Variants in ELOVL6 observed in about 807,000 individuals in gnomAD.
ELOVL6 encodes the protein ELOVL fatty acid elongase 6, also known as very long chain fatty acid elongase 6.
In ELOVL6, 8 loss-of-function variants were observed where a neutral mutation model predicts 31.7. That is an observed-to-expected ratio of 0.25 (90% CI 0.15 to 0.45). ELOVL6 has a LOEUF of 0.45. ELOVL6 is among the 20% of genes least tolerant of loss of function. The pLI is 1.00. For missense variants in ELOVL6, 126 were observed against 326.4 expected (o/e 0.39, Z 4.73); for synonymous variants, 101 against 117.7 (o/e 0.86, Z 0.92).
intron 1 of ELOVL6, among the ~76,000 whole-genome samples, chr4:110,122,754 G>A (rs770599831): frequency 6.6e-6 from 1 of 152,148 alleles, no homozygotes; most frequent in Admixed American, 6.5e-5. Context: ...TTTCCCCTGT[G>A]ACACCCTGTG....
chr4:110,121,731 T>G (rs1757364553), intron 1 of ELOVL6, among the ~76,000 whole-genome samples: 1 of 152,152 alleles, frequency 6.6e-6, no homozygotes, highest in South Asian at 2.1e-4. Flanking sequence ...TCATCCCTTC[T>G]CACTCTCACA....
rs1412183300 is a variant in ELOVL6, at chr4:110,048,177, A to G, written c.*3161T>C. 1 of 152,200 alleles carries G rather than the reference A, an allele frequency of 6.6e-6. No homozygotes were observed. The highest frequency in any genetic ancestry group is 1.5e-5 in the Non-Finnish European group (1 of 68,028). 9.4% of individuals were successfully genotyped at this position (152,200 alleles called of 1,614,324 possible). ...GGAGCATAATTAGAAGGATGGGAGTAAGTGACTTCGAATAACCACCTCAAT... is the reference window on the plus strand; with the variant it reads ...GGAGCATAATTAGAAGGATGGGAGTGAGTGACTTCGAATAACCACCTCAAT... On this transcript the variant is annotated 3_prime_UTR_variant, in exon 4 of 4. Coordinates refer to ENST00000302274, the MANE Select transcript of ELOVL6 (RefSeq NM_024090.3).
At chr4:110,157,060 A>T (rs1342844771) in intron 1 of ELOVL6, among the ~76,000 whole-genome samples, 1 of 152,200 alleles carries the variant, frequency 6.6e-6, no homozygotes, top group Non-Finnish European at 1.5e-5. Context: ...AGATTTGAAA[A>T]GGAGGATAGT....
At chr4:110,177,763 G>A (rs1355929785) in intron 1 of ELOVL6, among the ~76,000 whole-genome samples, 1 of 152,126 alleles carries the variant, frequency 6.6e-6, no homozygotes, top group Admixed American at 6.5e-5. Flanking sequence ...ATTGTTATGT[G>A]AAATAATTAA....
chr4:110,064,174 C>T (rs1433332273), intron 2 of ELOVL6, among the ~76,000 whole-genome samples: 1 of 151,968 alleles, frequency 6.6e-6, no homozygotes, highest in Admixed American at 6.6e-5. Context: ...TAGCAGAGAG[C>T]TCTGTGGAGG....
rs184166193 is a variant in ELOVL6 at position 110,172,061 on chromosome 4, C to T, written c.89+26186G>A. Among the ~76,000 whole-genome samples the T allele has an allele frequency of 2.6e-5, 4 of 152,176 alleles. No individual in the cohort carries two copies. The East Asian group carries it at 7.7e-4, about 29-fold the overall frequency. On this transcript the variant is annotated intron_variant, in intron 1 of 3. Coordinates refer to ENST00000302274, the MANE Select transcript of ELOVL6 (RefSeq NM_024090.3). ...TCTGAGCCTGTCTAGCAAATTAGTG[C>T]AACCCAAAGTCATGAGAATCCCAAC...
intron 1 of ELOVL6, among the ~76,000 whole-genome samples, chr4:110,133,196 G>T (rs989777735): frequency 6.6e-6 from 1 of 152,192 alleles, no homozygotes; most frequent in South Asian, 2.1e-4. Flanking sequence ...AAGAGAGGAA[G>T]TTAAGTGTCA....
intron 1 of ELOVL6, chr4:110,147,278 T>TA (rs34418243): frequency 0.11 from 13,686 of 129,076 alleles, 663 homozygotes; most frequent in Non-Finnish European, 0.12. Flanking sequence ...CAATTAAAAG[T>TA]AAAAAAAAAA....
chr4:110,172,392 T>C (rs545819650), intron 1 of ELOVL6, among the ~76,000 whole-genome samples: 1 of 152,346 alleles, frequency 6.6e-6, no homozygotes, highest in South Asian at 2.1e-4. Flanking sequence ...TTGAAAATGT[T>C]GTGACCAGAC....
intron 2 of ELOVL6, among the ~76,000 whole-genome samples, chr4:110,094,809 G>A (rs141341820): frequency 6.6e-6 from 1 of 152,162 alleles, no homozygotes; most frequent in East Asian, 1.9e-4. Flanking sequence ...GGCATGTCTA[G>A]GGCAGTTGAT....
chr4:110,098,636 C>T (rs532355227), intron 2 of ELOVL6, among the ~76,000 whole-genome samples: 1 of 152,026 alleles, frequency 6.6e-6, no homozygotes, highest in Admixed American at 6.6e-5. Context: ...ACTTTTACTA[C>T]ATATATATTC....
chr4:110,068,901 G>A (rs1755382264), intron 2 of ELOVL6, among the ~76,000 whole-genome samples: 4 of 152,138 alleles, frequency 2.6e-5, no homozygotes, highest in Non-Finnish European at 5.9e-5. Flanking sequence ...CCAACACTTT[G>A]GAAGACCCAG....
At chr4:110,063,532 G>C (rs896317796) in intron 2 of ELOVL6, among the ~76,000 whole-genome samples, 1 of 151,490 alleles carries the variant, frequency 6.6e-6, no homozygotes, top group Non-Finnish European at 1.5e-5. Context: ...GCAAGTTTAC[G>C]ACAGGATGTG....
chr4:110,069,757 T>A (rs1755414267), intron 2 of ELOVL6, among the ~76,000 whole-genome samples: 1 of 152,196 alleles, frequency 6.6e-6, no homozygotes, highest in South Asian at 2.1e-4. Flanking sequence ...TTTCTCTGCC[T>A]GGCTGGAAAT....
At position 110,051,852 on chromosome 4, in the gene ELOVL6, T is replaced by C. The variant is rs1754845746; in HGVS notation, c.374-90A>G. The stretch of plus-strand genomic sequence containing the variant: ...TTGTAAGAGGGTAGACATCCTGAGC[T>C]AGGACTGGAGAGTTACATAGACTGG... On this transcript the variant is annotated intron_variant, in intron 3 of 3. Coordinates refer to ENST00000302274, the MANE Select transcript of ELOVL6 (RefSeq NM_024090.3). The surrounding 1 kb of genome is among the most constrained non-coding windows in gnomAD (Gnocchi z 4.8). 1 of 1,109,398 alleles carries C rather than the reference T, an allele frequency of 9.0e-7. No homozygotes were observed. Among genetic ancestry groups the C allele is most frequent in the Non-Finnish European group, 1.3e-6 (1 of 764,356 alleles). 68.7% of individuals were successfully genotyped at this position (1,109,398 alleles called of 1,614,324 possible).
chr4:110,133,403 C>T (rs1291554423), intron 1 of ELOVL6, among the ~76,000 whole-genome samples: 12 of 152,130 alleles, frequency 7.9e-5, no homozygotes, highest in African/African-American at 2.2e-4. Context: ...GAAAGCATAG[C>T]GAAAGCATGT....
intron 1 of ELOVL6, among the ~76,000 whole-genome samples, chr4:110,135,741 A>G (rs905128080): frequency 4.6e-5 from 7 of 152,200 alleles, no homozygotes; most frequent in Non-Finnish European, 1.5e-5. Flanking sequence ...TAATCCTCCT[A>G]TTATCAGCAA....
intron 3 of ELOVL6, among the ~76,000 whole-genome samples, chr4:110,056,381 G>A (rs1415985610): frequency 6.6e-6 from 1 of 152,074 alleles, no homozygotes; most frequent in Non-Finnish European, 1.5e-5. Flanking sequence ...AAGTCATCCA[G>A]GCAAACATGT....
At chr4:110,078,132 C>G (rs1393834691) in intron 2 of ELOVL6, among the ~76,000 whole-genome samples, 1 of 152,152 alleles carries the variant, frequency 6.6e-6, no homozygotes, top group African/African-American at 2.4e-5. Context: ...CTGAAAGTGA[C>G]AGGGAGAATG....
Sources: allele counts gnomAD v4.1 joint callset (sites outside exome capture counted in the v4.1 genomes callset), GRCh38; gene constraint gnomAD v4.1.1; non-coding constraint Gnocchi (gnomAD v3.1); transcripts MANE v1.5; gene names NCBI Gene and HGNC (gene_info 2026-07-23, HGNC 2026-07-21).